PIN4: variants seen among roughly 807,000 people sequenced by gnomAD.
PIN4 encodes peptidyl-prolyl cis-trans isomerase NIMA-interacting 4.
PIN4 carries 3 observed loss-of-function variants against 8.3 expected under a neutral mutation model. The ratio of observed to expected loss-of-function variants is 0.36; its 90% CI spans 0.16 to 0.93. The LOEUF (loss-of-function observed/expected upper bound fraction) is 0.93. Among genes scored for constraint, PIN4 ranks in the 40% least tolerant of loss-of-function variants. The pLI is 0.44. For synonymous variants in PIN4, 18 were observed against 32.5 expected, an observed-to-expected ratio of 0.55 and a Z score of 1.52; for missense variants, 75 against 100.6, an observed-to-expected ratio of 0.75 and a Z score of 1.09.
At chrX:72,194,534 GA>G (rs200361824) in intron 2 of PIN4, among the ~76,000 whole-genome samples, 2,608 of 99,145 alleles carry the variant, frequency 0.026, 107 homozygotes, top group African/African-American at 0.088. Flanking sequence ...CTCCGTCTCA[GA>G]AAAAAAAAAA....
Position 72,181,765 on chromosome X carries a change from G to T in PIN4, c.-21G>T, listed in dbSNP as rs769563285. 14 of 1,199,522 alleles carry T rather than the reference G, an allele frequency of 1.2e-5. No homozygotes were observed. Among genetic ancestry groups the T allele is most frequent in the Non-Finnish European group, 1.6e-5 (14 of 884,913 alleles). On this transcript the variant is annotated 5_prime_UTR_variant, in exon 1 of 4. Transcript: ENST00000373669. ...TGTACGGCAACTGGAGCGGTTCAGC[G>T]TTCAACAACAAGCTTCCAAGATGCC...
chrX:72,200,689 G>T (rs1486859181), downstream of PIN4, among the ~76,000 whole-genome samples: 2 of 111,904 alleles, frequency 1.8e-5, no homozygotes, highest in Admixed American at 1.9e-4. Context: ...ACAGAATAGT[G>T]TACACAATAC....
At chrX:72,257,547 AGAT>A (rs1237063692) in intron 3 of PIN4, among the ~76,000 whole-genome samples, 1 of 111,304 alleles carries the variant, frequency 9.0e-6, no homozygotes, top group Non-Finnish European at 1.9e-5. Context: ...GCAGCTAGGG[AGAT>A]GATGATAAGT....
At chrX:72,182,430 G>T (rs186876364) in intron 1 of PIN4, among the ~76,000 whole-genome samples, 1 of 110,381 alleles carries the variant, frequency 9.1e-6, no homozygotes, top group Non-Finnish European at 1.9e-5. Flanking sequence ...CGTAATCCCA[G>T]CTACTCGGGA....
At chrX:72,204,820 C>A in intron 3 of PIN4, 1 of 316,501 alleles carries the variant, frequency 3.2e-6, no homozygotes, top group Non-Finnish European at 5.5e-6. Flanking sequence ...TAAGAATATT[C>A]AAGTGAAGAA....
chrX:72,228,075 T>G (rs780165548), intron 3 of PIN4, among the ~76,000 whole-genome samples: 3 of 112,016 alleles, frequency 2.7e-5, no homozygotes, highest in Non-Finnish European at 3.8e-5. Flanking sequence ...TTGCCTCTTT[T>G]AAAAAGTTCT....
intron 3 of PIN4, chrX:72,206,922 A>T: frequency 8.3e-7 from 1 of 1,211,185 alleles, no homozygotes; most frequent in Non-Finnish European, 1.1e-6. Flanking sequence ...AATATCGGAA[A>T]GGGTTCTTTT....
intron 1 of PIN4, among the ~76,000 whole-genome samples, chrX:72,184,111 G>T (rs749536590): frequency 1.8e-5 from 2 of 112,332 alleles, no homozygotes; most frequent in Non-Finnish European, 3.8e-5. Flanking sequence ...AGAGCTAGGT[G>T]CAGCCTTAAG....
intron 3 of PIN4, among the ~76,000 whole-genome samples, chrX:72,224,910 A>T (rs1195559133): frequency 9.0e-6 from 1 of 111,079 alleles, no homozygotes; most frequent in African/African-American, 3.3e-5. Flanking sequence ...CTCAACCCTA[A>T]TGGATTACAG....
chrX:72,198,381 C>G, downstream of PIN4: 2 of 699,383 alleles, frequency 2.9e-6, no homozygotes, highest in Non-Finnish European at 3.4e-6. Flanking sequence ...ACACTGCCTT[C>G]TCTCCCTCAG....
intron 3 of PIN4, among the ~76,000 whole-genome samples, chrX:72,223,539 G>A (rs1419632386): frequency 5.6e-5 from 6 of 106,804 alleles, no homozygotes; most frequent in Non-Finnish European, 5.8e-5. Flanking sequence ...ACAGGCATGC[G>A]CCACCCCACC....
chrX:72,202,107 C>T (rs1292492727), downstream of PIN4, among the ~76,000 whole-genome samples: 1 of 112,798 alleles, frequency 8.9e-6, no homozygotes, highest in African/African-American at 3.2e-5. Context: ...GCCTTATGTT[C>T]CCTGCCTCCA....
intron 3 of PIN4, among the ~76,000 whole-genome samples, chrX:72,241,515 C>G (rs1266518070): frequency 8.9e-6 from 1 of 112,511 alleles, no homozygotes; most frequent in African/African-American, 3.2e-5. Context: ...AAATACATTT[C>G]TATTGTTTAT....
chrX:72,245,264 G>C (rs1261959123), intron 3 of PIN4, among the ~76,000 whole-genome samples: 1 of 108,690 alleles, frequency 9.2e-6, no homozygotes, highest in African/African-American at 3.4e-5. Context: ...GATCCTCCAG[G>C]CTCCAGCGAT....
At chrX:72,237,413 A>G (rs908200505) in intron 3 of PIN4, among the ~76,000 whole-genome samples, 1 of 110,529 alleles carries the variant, frequency 9.0e-6, no homozygotes, top group Non-Finnish European at 1.9e-5. Flanking sequence ...CCCGGCTAAC[A>G]CGGTGAAACC....
rs1037309403 is a variant in PIN4, at chrX:72,262,574, A to G, written c.313-133A>G. 1.2e-5 allele frequency: 5 copies of G among 412,931 alleles called. No individual in the cohort carries two copies. In the East Asian group the frequency reaches 1.6e-4, roughly 13 times the overall value. The allele number at this position is 412,931 out of a possible 1,213,427, so 34.0% of individuals were successfully genotyped here. ...GTAGCACTTAATGATGATCAGACACAATAAATGTGTTGCTCTTTGGCTCAA... is the reference window on the plus strand; with the variant it reads ...GTAGCACTTAATGATGATCAGACACGATAAATGTGTTGCTCTTTGGCTCAA... On this transcript the variant is annotated intron_variant, in intron 3 of 3. Coordinates refer to the PIN4 transcript ENST00000423432.
intron 3 of PIN4, chrX:72,208,319 G>A: frequency 8.3e-7 from 1 of 1,211,884 alleles, no homozygotes; most frequent in Non-Finnish European, 1.1e-6. Flanking sequence ...GGCATGATCA[G>A]CAGCACATGA....
In PIN4 at chrX:72,253,443, C is replaced by T. The variant is rs147638067; in HGVS notation, c.313-9264C>T. Among the ~76,000 whole-genome samples, 507 of 110,407 alleles carry T rather than the reference C, an allele frequency of 4.6e-3. 2 individuals are homozygous for T. Among genetic ancestry groups the T allele is most frequent in the African/African-American group, 0.015 (466 of 30,391 alleles). ...GAGTTCGAGACCAGCCTGACCAATA[C>T]GGTGAAACCCCATTTCTACTAAAAA... On this transcript the variant is annotated intron_variant, in intron 3 of 3. Transcript: ENST00000423432.
At chrX:72,203,989 A>G (rs1430692919) in intron 3 of PIN4, among the ~76,000 whole-genome samples, 1 of 112,214 alleles carries the variant, frequency 8.9e-6, no homozygotes, top group Non-Finnish European at 1.9e-5. Context: ...GTTTGGTGAA[A>G]GGGAGAACAC....
Sources: allele counts gnomAD v4.1 joint callset (sites outside exome capture counted in the v4.1 genomes callset), GRCh38; gene constraint gnomAD v4.1.1; transcripts MANE v1.5; gene names NCBI Gene and HGNC (gene_info 2026-07-23, HGNC 2026-07-21).